CACNA2D3: variants seen among roughly 807,000 people sequenced by gnomAD.
CACNA2D3 encodes the protein calcium voltage-gated channel auxiliary subunit alpha2delta 3, also known as voltage-dependent calcium channel subunit alpha-2/delta-3.
Under a neutral mutation model 160.6 loss-of-function variants are expected in CACNA2D3, and 60 were observed. The ratio of observed to expected loss-of-function variants is 0.37; its 90% confidence interval spans 0.30 to 0.46. The LOEUF is 0.46. Ranked by LOEUF, CACNA2D3 falls within the 20% of genes least tolerant of loss-of-function variation. CACNA2D3 has a pLI of 1.00. For synonymous variants in CACNA2D3, 558 were observed against 492.9 expected (o/e 1.13, Z -1.75); for missense variants, 1,205 against 1,365.0 (o/e 0.88, Z 1.85).
chr3:54,745,216 G>A (rs1427132226), intron 11 of CACNA2D3, among the ~76,000 whole-genome samples: 1 of 152,204 alleles, frequency 6.6e-6, no homozygotes, highest in Non-Finnish European at 1.5e-5. Context: ...TGGGAAGAAA[G>A]AGGGAAAGCA....
intron 2 of CACNA2D3, among the ~76,000 whole-genome samples, chr3:54,232,479 T>A (rs1004478917): frequency 9.9e-5 from 15 of 152,194 alleles, no homozygotes; most frequent in Non-Finnish European, 1.5e-4. Context: ...TTAATTTTAA[T>A]AACACAACTA....
At chr3:54,252,029 T>C (rs977912932) in intron 2 of CACNA2D3, among the ~76,000 whole-genome samples, 1 of 151,762 alleles carries the variant, frequency 6.6e-6, no homozygotes, top group African/African-American at 2.4e-5. Flanking sequence ...TTCTCCTTAA[T>C]TGAGCTCCCA....
intron 35 of CACNA2D3, among the ~76,000 whole-genome samples, chr3:55,041,119 T>G (rs546453371): frequency 7.9e-5 from 12 of 152,348 alleles, no homozygotes; most frequent in Admixed American, 2.6e-4. Flanking sequence ...TCCCTCATTC[T>G]GTTTCAAAGC....
intron 11 of CACNA2D3, among the ~76,000 whole-genome samples, chr3:54,718,364 T>C (rs1056868607): frequency 6.6e-6 from 1 of 152,188 alleles, no homozygotes; most frequent in Non-Finnish European, 1.5e-5. Context: ...AGCTTAATTA[T>C]TAAGCTTCAC....
Position 55,033,745 on chromosome 3 carries a change from A to T in CACNA2D3, c.2987+15428A>T, listed in dbSNP as rs5008697. ...ATATTAAATATATTTTATATAATAT[A>T]TATTATATTAAATATATATTATATA... On this transcript the variant is annotated intron_variant, in intron 35 of 37. Coordinates refer to ENST00000474759, the MANE Select transcript of CACNA2D3 (RefSeq NM_018398.3). Among the ~76,000 whole-genome samples the T allele has an allele frequency of 5.7e-4, 54 of 94,756 alleles. 20 individuals carry two copies. Among genetic ancestry groups the T allele is most frequent in the East Asian group, 1.1e-3 (4 of 3,488 alleles). The allele number at this position is 94,756 out of a possible 152,430, so 62.2% of individuals were successfully genotyped here.
Position 54,908,911 on chromosome 3 carries a change from A to T in CACNA2D3, c.2449+9043A>T, listed in dbSNP as rs185168283. On this transcript the variant is annotated intron_variant, in intron 27 of 37. Coordinates refer to ENST00000474759, the MANE Select transcript of CACNA2D3 (RefSeq NM_018398.3). ...AAATATCCACTACCTGCTCCTTCAC[A>T]GAAAAAGCTTGCCAAACCCAACTTC... Among the ~76,000 whole-genome samples the T allele has an allele frequency of 2.9e-3, 436 of 152,344 alleles. 2 individuals carry two copies. Among genetic ancestry groups the T allele is most frequent in the African/African-American group, 0.01 (418 of 41,588 alleles).
At chr3:54,136,600 A>C (rs1186266736) in intron 2 of CACNA2D3, among the ~76,000 whole-genome samples, 1 of 152,222 alleles carries the variant, frequency 6.6e-6, no homozygotes, top group Non-Finnish European at 1.5e-5. Flanking sequence ...TGAGTGCTTC[A>C]GTGACAGCAC....
intron 35 of CACNA2D3, among the ~76,000 whole-genome samples, chr3:55,034,653 GAAC>G (rs1227097611): frequency 1.3e-5 from 2 of 151,584 alleles, no homozygotes; most frequent in African/African-American, 4.8e-5. Flanking sequence ...TTCAAAAATA[GAAC>G]AATATTATAA....
At chr3:54,527,678 C>T (rs1033040884) in intron 5 of CACNA2D3, among the ~76,000 whole-genome samples, 2 of 152,170 alleles carry the variant, frequency 1.3e-5, no homozygotes, top group Admixed American at 1.3e-4. Flanking sequence ...CAGCAACAGG[C>T]AGCTGGTAGC....
rs149485305 is a variant in CACNA2D3, at chr3:54,277,279, T to G, written c.205-43163T>G. Among the ~76,000 whole-genome samples the G allele has an allele frequency of 3.9e-5, 6 of 152,406 alleles. No individual in the cohort carries two copies. The East Asian group carries it at 1.2e-3, about 29-fold the overall frequency. On this transcript the variant is annotated intron_variant, in intron 2 of 37. Coordinates refer to ENST00000474759, the MANE Select transcript of CACNA2D3 (RefSeq NM_018398.3). ...GTTTTAGGTCTTATGTTTAAGTCTTTAATCCATATTAAGTTAATTTTTGTA... is the reference window on the plus strand; with the variant it reads ...GTTTTAGGTCTTATGTTTAAGTCTTGAATCCATATTAAGTTAATTTTTGTA...
At chr3:54,381,277 A>C (rs138566934) in intron 3 of CACNA2D3, among the ~76,000 whole-genome samples, 6 of 152,322 alleles carry the variant, frequency 3.9e-5, no homozygotes. Flanking sequence ...ATTTTCATCC[A>C]TAATTGTCCC....
chr3:54,709,026 TC>T (rs869222599), intron 11 of CACNA2D3, among the ~76,000 whole-genome samples: 3 of 139,328 alleles, frequency 2.2e-5, no homozygotes, highest in Non-Finnish European at 4.7e-5. Context: ...TTTTTTTTTT[TC>T]AAGATGGAGT....
At position 54,411,390 on chromosome 3, in the gene CACNA2D3, G is replaced by A. The variant is rs144675886; in HGVS notation, c.381+24616G>A. Among the ~76,000 whole-genome samples the A allele has an allele frequency of 6.6e-3, 1,003 of 152,206 alleles. 11 individuals carry two copies. Among genetic ancestry groups the A allele is most frequent in the African/African-American group, 0.023 (959 of 41,534 alleles). ...AATTGTTGAAGCAAACTTCATTATT[G>A]TCTTATTTTAAGAAATTGCCACAGT... On this transcript the variant is annotated intron_variant, in intron 4 of 37. Transcript: ENST00000474759.
At chr3:54,657,334 A>C (rs1364071019) in intron 11 of CACNA2D3, among the ~76,000 whole-genome samples, 1 of 152,126 alleles carries the variant, frequency 6.6e-6, no homozygotes, top group Non-Finnish European at 1.5e-5. Flanking sequence ...TCACCTCCAA[A>C]CATTTCCTTG....
intron 4 of CACNA2D3, among the ~76,000 whole-genome samples, chr3:54,416,283 G>A (rs1301205025): frequency 6.6e-6 from 1 of 152,182 alleles, no homozygotes; most frequent in African/African-American, 2.4e-5. Context: ...CAGTGGATTG[G>A]CAGCTACCTC....
At chr3:54,451,845 A>G (rs1255479238) in intron 4 of CACNA2D3, among the ~76,000 whole-genome samples, 2 of 152,200 alleles carry the variant, frequency 1.3e-5, no homozygotes, top group Non-Finnish European at 2.9e-5. Flanking sequence ...GTGGTAGAAG[A>G]TAACTCAGCC....
intron 13 of CACNA2D3, among the ~76,000 whole-genome samples, chr3:54,777,527 A>G (rs534707276): frequency 1.1e-4 from 16 of 152,338 alleles, no homozygotes; most frequent in African/African-American, 3.6e-4. Context: ...ATGCTTTTAA[A>G]TCAATTTTCA....
chr3:54,744,789 T>C (rs1304754594), intron 11 of CACNA2D3, among the ~76,000 whole-genome samples: 1 of 152,238 alleles, frequency 6.6e-6, no homozygotes, highest in African/African-American at 2.4e-5. Context: ...GATGCAACTC[T>C]AACTGAATGG....
chr3:55,036,927 T>G (rs1703830294), intron 35 of CACNA2D3, among the ~76,000 whole-genome samples: 1 of 152,126 alleles, frequency 6.6e-6, no homozygotes, highest in Non-Finnish European at 1.5e-5. Context: ...TATAGAAGTG[T>G]ATGATTCTGG....
Sources: gnomAD v4.1 joint callset for allele counts (sites outside exome capture counted in the v4.1 genomes callset) on GRCh38, gnomAD v4.1.1 for gene constraint, MANE v1.5 for transcripts, NCBI Gene and HGNC (gene_info 2026-07-23, HGNC 2026-07-21) for gene names.